The following MMEL1 variants were observed in gnomAD, a reference collection of about 807,000 sequenced individuals.
MMEL1 encodes membrane metallo-endopeptidase-like 1.
A neutral mutation model predicts 117.1 loss-of-function variants in MMEL1; 98 were observed. The ratio of observed to expected loss-of-function variants is 0.84; its 90% CI spans 0.71 to 0.99. The LOEUF is 0.99. Ranked by LOEUF, MMEL1 falls within the 50% of genes least tolerant of loss-of-function variation. MMEL1 has a pLI of 0.00. For missense variants in MMEL1, 1,014 were observed against 1,049.1 expected, an observed-to-expected ratio of 0.97 and a Z score of 0.46; for synonymous variants, 390 against 415.1, an observed-to-expected ratio of 0.94 and a Z score of 0.74.
Position 2,612,431 on chromosome 1 carries a change from C to G in MMEL1, c.155-227G>C, listed in dbSNP as rs1007031816. 2.0e-5 allele frequency among the ~76,000 whole-genome samples: 3 copies of G among 152,120 alleles called. No individual in the cohort carries two copies. Among genetic ancestry groups the G allele is most frequent in the African/African-American group, 7.2e-5 (3 of 41,412 alleles). ...CTGGGCTTGAATGGGGGGCGGTTTG[C>G]CCTGCCTTGCCAGCCCCACCCTTTA... On this transcript the variant is annotated intron_variant, in intron 2 of 23. Coordinates refer to ENST00000378412, the MANE Select transcript of MMEL1 (RefSeq NM_033467.4). The surrounding 1 kb of genome is among the most constrained non-coding windows in gnomAD (Gnocchi z 5.4).
intron 11 of MMEL1, 126 bp from the exon 12 acceptor site, chr1:2,598,916 G>C (rs1044243264): frequency 7.7e-6 from 6 of 774,238 alleles, no homozygotes; most frequent in Non-Finnish European, 1.0e-5. Flanking sequence ...CAGGTAATCA[G>C]AATCAGGAAA....
At chr1:2,594,496 T>C in intron 17 of MMEL1, 53 bp from the exon 18 acceptor site, 1 of 1,541,396 alleles carries the variant, frequency 6.5e-7, no homozygotes, top group Non-Finnish European at 8.8e-7. Flanking sequence ...ACCCTCCCTC[T>C]GGGCTCTCTC....
chr1:2,615,663 G>A (rs1299159127), intron 2 of MMEL1, among the ~76,000 whole-genome samples: 1 of 152,168 alleles, frequency 6.6e-6, no homozygotes, highest in Non-Finnish European at 1.5e-5. Flanking sequence ...TCAGGCTAAT[G>A]CAAGATGTTC....
chr1:2,622,804 G>T (rs576564353), intron 2 of MMEL1, among the ~76,000 whole-genome samples: 1 of 150,598 alleles, frequency 6.6e-6, no homozygotes, highest in African/African-American at 2.4e-5. Flanking sequence ...AGAATCGCTT[G>T]AATCTGGGGG....
intron 2 of MMEL1, among the ~76,000 whole-genome samples, chr1:2,627,419 G>A (rs938722347): frequency 1.3e-5 from 2 of 152,134 alleles, no homozygotes; most frequent in Admixed American, 6.5e-5. Flanking sequence ...TGGAAAAAGA[G>A]CCAATATGTA....
chr1:2,593,059 C>T, intron 19 of MMEL1, 93 bp from the exon 20 acceptor site: 1 of 1,501,820 alleles, frequency 6.7e-7, no homozygotes, highest in Non-Finnish European at 9.1e-7. Flanking sequence ...TCCTGCCCCT[C>T]CTGCAGCCAG....
chr1:2,605,453 A>G, intron 9 of MMEL1, 105 bp downstream of exon 9: 1 of 991,690 alleles, frequency 1.0e-6, no homozygotes, highest in Non-Finnish European at 1.6e-6. Flanking sequence ...GTGCTCACTA[A>G]CACCAGCTTC....
chr1:2,616,450 T>C (rs554357479), intron 2 of MMEL1, among the ~76,000 whole-genome samples: 1 of 151,254 alleles, frequency 6.6e-6, no homozygotes, highest in South Asian at 2.1e-4. Context: ...CAGAAGATGA[T>C]GGAATGAGCT....
chr1:2,592,153 G>T lies in MMEL1; in HGVS notation c.2068-126C>A, dbSNP rs1017830231. On this transcript the variant is annotated intron_variant, in intron 21 of 23. Coordinates refer to ENST00000378412, the MANE Select transcript of MMEL1 (RefSeq NM_033467.4). ...CTGTGGGGGTCCTGCTGCTGCAAGG[G>T]CCCTTCACACACCCCACGGATGAGC... 8 of 732,512 alleles carry T rather than the reference G, an allele frequency of 1.1e-5. No individual in the cohort carries two copies. In the East Asian group the frequency reaches 2.2e-4, roughly 20 times the overall value. 45.4% of individuals were successfully genotyped at this position (732,512 alleles called of 1,614,324 possible).
Position 2,591,952 on chromosome 1 carries a change from A to G in MMEL1, c.2143T>C (p.Phe715Leu), listed in dbSNP as rs749707787. 6.2e-7 allele frequency: 1 copy of G among 1,613,358 alleles called. No homozygotes were observed. Among genetic ancestry groups the G allele is most frequent in the Non-Finnish European group, 8.5e-7 (1 of 1,179,776 alleles). Residue 715 changes from phenylalanine to leucine, a missense_variant, in exon 22 of 24, where the codon TTC (phenylalanine) becomes CTC (leucine). Physicochemically the swap from Phe to Leu is conservative, Grantham distance 22. Coordinates refer to ENST00000378412, the MANE Select transcript of MMEL1 (RefSeq NM_033467.4). ...GCCACCTGGGCATAGTTGATGAAGA[A>G]GAGCTGCTCATGGGTGAGATCCAGG... ...PGLDLTHEQL[F>L]FINYAQVWCG...
intron 4 of MMEL1, 133 bp from the exon 5 acceptor site, chr1:2,609,964 G>T: frequency 1.0e-6 from 1 of 980,532 alleles, no homozygotes; most frequent in Non-Finnish European, 1.5e-6. Context: ...AGTCGCAGCT[G>T]TGTGCCCAGG....
chr1:2,613,861 CAAA>C, intron 2 of MMEL1, among the ~76,000 whole-genome samples: 1 of 151,940 alleles, frequency 6.6e-6, no homozygotes, highest in South Asian at 2.1e-4. Context: ...AAAATAAAAA[CAAA>C]AACAAAAAAC....
chr1:2,601,270 CAA>C (rs1367162216), intron 11 of MMEL1, among the ~76,000 whole-genome samples: 2 of 151,926 alleles, frequency 1.3e-5, no homozygotes, highest in African/African-American at 2.4e-5. Context: ...ACCAGTGGGG[CAA>C]AAGAGAGTCC....
Position 2,604,135 on chromosome 1 carries a change from C to CCCAAACAAT in MMEL1, c.951+11_951+12insATTGTTTGG. On this transcript the variant is annotated intron_variant, in intron 10 of 23. Transcript: ENST00000378412. The stretch of plus-strand genomic sequence containing the variant: ...CTCGCTGCCCGCTCCCCACCCGCCC[C>CCCAAACAAT]GGCCCCCTTACCTTGGCCAGCTGTG... 1 of 1,520,162 alleles carries CCCAAACAAT rather than the reference C, an allele frequency of 6.6e-7. No homozygotes were observed. The allele number at this position is 1,520,162 out of a possible 1,614,324, so 94.2% of individuals were successfully genotyped here. A position where few individuals can be genotyped will look rare whatever the true frequency, so the allele number is the denominator to read the frequency against.
chr1:2,620,200 C>T (rs542978925), intron 2 of MMEL1, among the ~76,000 whole-genome samples: 8 of 152,144 alleles, frequency 5.3e-5, no homozygotes, highest in Non-Finnish European at 7.4e-5. Context: ...AACAGAGGAG[C>T]GGCAGTTAGG....
At chr1:2,621,276 C>T (rs1009688677) in intron 2 of MMEL1, among the ~76,000 whole-genome samples, 1 of 152,152 alleles carries the variant, frequency 6.6e-6, no homozygotes, top group African/African-American at 2.4e-5. Context: ...CAGAGTGAGA[C>T]CCTGTCTCAA....
Position 2,609,334 on chromosome 1 carries a change from C to A in MMEL1, c.535+5G>T, listed in dbSNP as rs767952939. The A allele has an allele frequency of 6.2e-7, 1 of 1,609,872 alleles. No homozygotes were observed. The highest frequency in any genetic ancestry group is 8.5e-7 in the Non-Finnish European group (1 of 1,178,648). ...CTCGGCCCCTTCCTGGCGGCCCCCA[C>A]TCACTCTGGTTCATGCAGGAGCGGT... On this transcript the variant is annotated splice_donor_5th_base_variant and intron_variant, in intron 6 of 23. Coordinates refer to ENST00000378412, the MANE Select transcript of MMEL1 (RefSeq NM_033467.4).
chr1:2,608,827 C>T (rs1327137831), intron 6 of MMEL1, among the ~76,000 whole-genome samples: 1 of 152,096 alleles, frequency 6.6e-6, no homozygotes, highest in African/African-American at 2.4e-5. Context: ...TAACAACACA[C>T]ATACATGCAT....
intron 7 of MMEL1, 42 bp downstream of exon 7, chr1:2,606,932 T>TC (rs768406612): frequency 3.2e-6 from 5 of 1,561,962 alleles, no homozygotes; most frequent in Non-Finnish European, 4.4e-6. Context: ...GTCCTGGTCC[T>TC]CCTTTGTCTG....
Sources: gnomAD v4.1 joint callset for allele counts (sites outside exome capture counted in the v4.1 genomes callset) on GRCh38, gnomAD v4.1.1 for gene constraint, Gnocchi (gnomAD v3.1) non-coding constraint, MANE v1.5 for transcripts, NCBI Gene and HGNC (gene_info 2026-07-23, HGNC 2026-07-21) for gene names.